FSTL5: variants seen among roughly 807,000 people sequenced by gnomAD.
FSTL5 encodes the protein follistatin like 5, also known as follistatin-related protein 5.
In FSTL5, 62 loss-of-function variants were observed where a neutral mutation model predicts 89.1. The ratio of observed to expected loss-of-function variants is 0.70; its 90% CI spans 0.57 to 0.86. The LOEUF (loss-of-function observed/expected upper bound fraction) is 0.86, where lower values mean the gene tolerates loss of function less well. FSTL5 is among the 40% of genes least tolerant of loss of function. The pLI is 0.00. For missense variants in FSTL5, 1,057 were observed against 1,001.6 expected (o/e 1.06, Z -0.75); for synonymous variants, 383 against 346.2 (o/e 1.11, Z -1.18).
At chr4:162,027,646 A>G (rs1737347642) in intron 3 of FSTL5, among the ~76,000 whole-genome samples, 1 of 152,174 alleles carries the variant, frequency 6.6e-6, no homozygotes, top group Admixed American at 6.5e-5. Context: ...AAATCTTTCA[A>G]TGAGCTCATT....
chr4:161,709,760 C>A (rs1316329378), intron 6 of FSTL5, among the ~76,000 whole-genome samples: 1 of 151,864 alleles, frequency 6.6e-6, no homozygotes, highest in South Asian at 2.1e-4. Context: ...CACGTCAGTG[C>A]AATTCAGCCT....
chr4:161,778,194 A>G (rs1348056847), intron 4 of FSTL5, among the ~76,000 whole-genome samples: 1 of 152,154 alleles, frequency 6.6e-6, no homozygotes, highest in Non-Finnish European at 1.5e-5. Context: ...TTTACTTACA[A>G]TGGCCTCATG....
intron 6 of FSTL5, among the ~76,000 whole-genome samples, chr4:161,735,411 A>T (rs1739775145): frequency 6.6e-6 from 1 of 152,126 alleles, no homozygotes; most frequent in Non-Finnish European, 1.5e-5. Context: ...TTGGTGATCA[A>T]CTTGAGATTT....
rs1399025293 is a variant in FSTL5 at position 161,538,182 on chromosome 4, G to C, written c.1296C>G (p.Asp432Glu). ...DEDISSLFVE[D>E]SARKTLANIL... is the part of the protein sequence containing the mutation. ...TATACATACGGGTCTTTCTAGCAGA[G>C]TCTTCCACAAAAAGAGAAGAGATGT... Residue 432 changes from aspartate to glutamate, a missense_variant, in exon 10 of 16, where the codon GAC becomes GAG. Asp to Glu is a conservative substitution (Grantham distance 45). Transcript: ENST00000306100. The C allele has an allele frequency of 1.2e-6, 2 of 1,613,826 alleles. No individual in the cohort carries two copies. The highest frequency in any genetic ancestry group is 1.3e-5 in the African/African-American group (1 of 74,910).
chr4:161,959,558 A>G (rs554458690), intron 3 of FSTL5, among the ~76,000 whole-genome samples: 2 of 152,120 alleles, frequency 1.3e-5, no homozygotes, highest in African/African-American at 2.4e-5. Flanking sequence ...TGGTAATGAT[A>G]GCAGGACATT....
At chr4:161,945,625 A>G (rs1285825797) in intron 3 of FSTL5, among the ~76,000 whole-genome samples, 1 of 152,066 alleles carries the variant, frequency 6.6e-6, no homozygotes, top group Non-Finnish European at 1.5e-5. Flanking sequence ...AGTGGCATGC[A>G]CTTGTAGTCC....
intron 4 of FSTL5, among the ~76,000 whole-genome samples, chr4:161,915,341 T>G (rs62331207): frequency 0.11 from 16,448 of 151,026 alleles, 1,134 homozygotes; most frequent in Non-Finnish European, 0.15. Flanking sequence ...CCTCTCCATT[T>G]GTCTCCTTTC....
At chr4:162,019,951 AAT>A (rs537972981) in intron 3 of FSTL5, among the ~76,000 whole-genome samples, 86 of 148,762 alleles carry the variant, frequency 5.8e-4, no homozygotes, top group Middle Eastern at 3.5e-3. Context: ...TATACATATA[AAT>A]ATATATATAT....
chr4:161,521,607 G>C (rs142525128), intron 10 of FSTL5, among the ~76,000 whole-genome samples: 20 of 152,130 alleles, frequency 1.3e-4, no homozygotes, highest in African/African-American at 4.3e-4. Flanking sequence ...CCAGCACTTT[G>C]AGAAGCCGAG....
At chr4:162,011,955 C>T (rs1046942058) in intron 3 of FSTL5, among the ~76,000 whole-genome samples, 12 of 152,196 alleles carry the variant, frequency 7.9e-5, no homozygotes, top group African/African-American at 2.4e-4. Context: ...TCTCTCTGTG[C>T]GTGTTTTTGA....
intron 3 of FSTL5, among the ~76,000 whole-genome samples, chr4:161,929,069 A>G (rs543150377): frequency 1.2e-3 from 178 of 151,588 alleles, no homozygotes; most frequent in Non-Finnish European, 2.3e-3. Context: ...TTTGAATTAC[A>G]TAAGGTCTGT....
rs367774035 is a variant in FSTL5, at chr4:161,429,525, T to C, written c.1841+25479A>G. 2.6e-5 allele frequency among the ~76,000 whole-genome samples: 4 copies of C among 152,302 alleles called. No individual in the cohort carries two copies. In the South Asian group the frequency reaches 6.2e-4, roughly 24 times the overall value. ...CATTGAGTTCAGCACAGAAAGACTT[T>C]GTTTGGAAGAATGTAAGGAAGAAAG... is the stretch of plus-strand genomic sequence containing the variant. On this transcript the variant is annotated intron_variant, in intron 15 of 15. Transcript: ENST00000306100.
intron 15 of FSTL5, among the ~76,000 whole-genome samples, chr4:161,413,587 G>T (rs904358868): frequency 2.6e-5 from 4 of 152,022 alleles, no homozygotes; most frequent in African/African-American, 9.7e-5. Context: ...ATACTCAAAA[G>T]AAAATAAATC....
intron 2 of FSTL5, among the ~76,000 whole-genome samples, chr4:162,092,385 A>G (rs1730583169): frequency 6.6e-6 from 1 of 152,206 alleles, no homozygotes; most frequent in African/African-American, 2.4e-5. Flanking sequence ...ACAAGTTTAC[A>G]TAATGTTTAA....
chr4:161,955,694 T>C (rs1423707829), intron 3 of FSTL5, among the ~76,000 whole-genome samples: 2 of 151,928 alleles, frequency 1.3e-5, no homozygotes, highest in East Asian at 1.9e-4. Flanking sequence ...AGTATTGTCC[T>C]GTTCTTTGCA....
chr4:161,742,820 A>T (rs527525040), intron 6 of FSTL5, among the ~76,000 whole-genome samples: 2 of 152,200 alleles, frequency 1.3e-5, no homozygotes, highest in Non-Finnish European at 2.9e-5. Context: ...AAAAAATAAC[A>T]ATAAAAGCCG....
intron 6 of FSTL5, among the ~76,000 whole-genome samples, chr4:161,746,981 G>A (rs1579064238): frequency 6.6e-6 from 1 of 152,156 alleles, no homozygotes. Flanking sequence ...AGCGGCGTAT[G>A]TAATTCAAAA....
intron 4 of FSTL5, among the ~76,000 whole-genome samples, chr4:161,813,057 C>T (rs1197296464): frequency 6.7e-6 from 1 of 148,498 alleles, no homozygotes; most frequent in Admixed American, 6.7e-5. Flanking sequence ...GGCAGAGTCT[C>T]GCGCTGTTGC....
intron 4 of FSTL5, among the ~76,000 whole-genome samples, chr4:161,898,105 T>C (rs936953117): frequency 1.3e-5 from 2 of 148,204 alleles, no homozygotes; most frequent in Admixed American, 1.4e-4. Context: ...TATTTTATTT[T>C]ATGAATATAT....
Sources: gnomAD v4.1 joint callset for allele counts (sites outside exome capture counted in the v4.1 genomes callset) on GRCh38, gnomAD v4.1.1 for gene constraint, MANE v1.5 for transcripts, NCBI Gene and HGNC (gene_info 2026-07-23, HGNC 2026-07-21) for gene names.